The following HSD17B3 variants were observed in gnomAD, a reference collection of about 807,000 sequenced individuals.
The protein encoded by HSD17B3 is 17-beta-hydroxysteroid dehydrogenase type 3.
HSD17B3 carries 29 observed loss-of-function variants against 41.1 expected under a neutral mutation model. That is an observed-to-expected ratio of 0.71 (90% confidence interval 0.53 to 0.96). The LOEUF (loss-of-function observed/expected upper bound fraction) is 0.96. HSD17B3 is among the 40% of genes least tolerant of loss of function. The pLI, the probability that HSD17B3 is intolerant of heterozygous loss-of-function variation, is 0.00. For missense variants in HSD17B3, 323 were observed against 374.6 expected (o/e 0.86, Z 1.14); for synonymous variants, 126 against 145.6 (o/e 0.87, Z 0.97).
At chr9:96,294,498 G>T (rs1224697904) in intron 2 of HSD17B3, among the ~76,000 whole-genome samples, 2 of 152,212 alleles carry the variant, frequency 1.3e-5, no homozygotes, top group African/African-American at 4.8e-5. Flanking sequence ...TCCACATGGG[G>T]TCTCCCCTAA....
At chr9:96,241,542 C>T (rs1433567294) in intron 9 of HSD17B3, among the ~76,000 whole-genome samples, 3 of 152,180 alleles carry the variant, frequency 2.0e-5, no homozygotes, top group African/African-American at 7.2e-5. Context: ...AAACCCAACA[C>T]CATGTTTCCA....
chr9:96,298,603 C>A, intron 1 of HSD17B3, 141 bp from the exon 2 acceptor site: 1 of 751,966 alleles, frequency 1.3e-6, no homozygotes, highest in East Asian at 2.5e-5. Flanking sequence ...AGCCCACGCC[C>A]TTGAAGCCCC....
chr9:96,279,410 G>A (rs1826599327), intron 2 of HSD17B3, among the ~76,000 whole-genome samples: 1 of 152,186 alleles, frequency 6.6e-6, no homozygotes, highest in Non-Finnish European at 1.5e-5. Flanking sequence ...ATTGGTAATT[G>A]GTTGAAAAAG....
intron 2 of HSD17B3, among the ~76,000 whole-genome samples, chr9:96,265,206 CA>C (rs143352641): frequency 0.031 from 4,691 of 152,256 alleles, 252 homozygotes; most frequent in African/African-American, 0.11. Flanking sequence ...AGCTGACCTC[CA>C]GGTGACATGG....
chr9:96,253,560 C>A (rs1296057419), intron 3 of HSD17B3, among the ~76,000 whole-genome samples: 1 of 152,194 alleles, frequency 6.6e-6, no homozygotes, highest in Non-Finnish European at 1.5e-5. Context: ...GAGAAGCTAA[C>A]TGACGTAGCC....
At chr9:96,289,820 T>C (rs1827078460) in intron 2 of HSD17B3, among the ~76,000 whole-genome samples, 1 of 152,100 alleles carries the variant, frequency 6.6e-6, no homozygotes, top group African/African-American at 2.4e-5. Context: ...ACACAGGTTT[T>C]GCCACCCCCT....
At chr9:96,297,876 AATCT>A (rs367585072) in intron 2 of HSD17B3, among the ~76,000 whole-genome samples, 20 of 152,306 alleles carry the variant, frequency 1.3e-4, no homozygotes, top group Middle Eastern at 3.4e-3. Context: ...TATAATTATC[AATCT>A]ATCTATCTAC....
In HSD17B3 at chr9:96,302,156, C is replaced by T. The variant is rs1254869966; in HGVS notation, c.-52G>A. On this transcript the variant is annotated 5_prime_UTR_variant, in exon 1 of 11. Transcript: ENST00000375263. The stretch of plus-strand genomic sequence containing the variant: ...CCTGGCCGTGGCTCTCTGTGTATGC[C>T]TCCTGGGACCACGCTGCTCTGGAGA... 1 of 1,590,778 alleles carries T rather than the reference C, an allele frequency of 6.3e-7. No homozygotes were observed.
chr9:96,249,890 T>G, intron 5 of HSD17B3, 104 bp from the exon 6 acceptor site: 2 of 1,601,540 alleles, frequency 1.2e-6, no homozygotes, highest in Non-Finnish European at 8.5e-7. Flanking sequence ...AGTGCATGTC[T>G]GAACGGTTTC....
chr9:96,246,617 C>A (rs547174653), intron 6 of HSD17B3, 27 bp from the exon 7 acceptor site: 11 of 1,611,354 alleles, frequency 6.8e-6, no homozygotes, highest in Non-Finnish European at 8.5e-6. Flanking sequence ...AAGGTAAGCC[C>A]GACAAGGAAC....
intron 9 of HSD17B3, 135 bp from the exon 10 acceptor site, chr9:96,241,042 GA>G: frequency 1.6e-5 from 17 of 1,055,340 alleles, no homozygotes; most frequent in Non-Finnish European, 2.0e-5. Context: ...ATCTTGAGTG[GA>G]AAAAGGCACA....
At chr9:96,236,285 G>C (rs1836235592) in intron 10 of HSD17B3, among the ~76,000 whole-genome samples, 1 of 151,634 alleles carries the variant, frequency 6.6e-6, no homozygotes. Context: ...GGGAGGCTAA[G>C]GCAGGTGGAT....
intron 2 of HSD17B3, among the ~76,000 whole-genome samples, chr9:96,288,809 C>T (rs149311677): frequency 2.2e-4 from 34 of 151,960 alleles, no homozygotes; most frequent in South Asian, 1.0e-3. Flanking sequence ...GTGGTGTGGG[C>T]GCCTGTAGTC....
chr9:96,269,067 G>A (rs995555404), intron 2 of HSD17B3, among the ~76,000 whole-genome samples: 8 of 149,000 alleles, frequency 5.4e-5, no homozygotes, highest in African/African-American at 1.9e-4. Context: ...ATCATAGAGT[G>A]CACTTACACA....
chr9:96,266,070 T>C (rs530402753), intron 2 of HSD17B3, among the ~76,000 whole-genome samples: 1 of 152,286 alleles, frequency 6.6e-6, no homozygotes, highest in South Asian at 2.1e-4. Context: ...GCACACAATA[T>C]GAGGAATTTT....
intron 2 of HSD17B3, among the ~76,000 whole-genome samples, chr9:96,258,876 A>G (rs1825760522): frequency 6.6e-6 from 1 of 152,186 alleles, no homozygotes; most frequent in African/African-American, 2.4e-5. Flanking sequence ...GCTGTAACAA[A>G]TAACTCTGCA....
chr9:96,263,450 G>C (rs1017165658), intron 2 of HSD17B3, among the ~76,000 whole-genome samples: 1 of 152,112 alleles, frequency 6.6e-6, no homozygotes, highest in Non-Finnish European at 1.5e-5. Context: ...GGGCACGGTG[G>C]CTCACGCCTG....
chr9:96,258,487 G>C (rs893384421), intron 2 of HSD17B3, among the ~76,000 whole-genome samples: 1 of 152,116 alleles, frequency 6.6e-6, no homozygotes, highest in Non-Finnish European at 1.5e-5. Context: ...CCACGCCAGG[G>C]CCACTTCTGA....
At chr9:96,282,994 T>TC (rs1286691137) in intron 2 of HSD17B3, among the ~76,000 whole-genome samples, 2 of 33,852 alleles carry the variant, frequency 5.9e-5, no homozygotes, top group Non-Finnish European at 1.1e-4. Flanking sequence ...GTTTCTTTCT[T>TC]TTTTTTTTTT....
Sources: gnomAD v4.1 joint callset for allele counts (sites outside exome capture counted in the v4.1 genomes callset) on GRCh38, gnomAD v4.1.1 for gene constraint, MANE v1.5 for transcripts, NCBI Gene and HGNC (gene_info 2026-07-23, HGNC 2026-07-21) for gene names.